The following PRDM7 variants were observed in gnomAD, a reference collection of about 807,000 sequenced individuals.
PRDM7 encodes histone-lysine N-methyltransferase PRDM7.
PRDM7 carries 52 observed loss-of-function variants against 64.3 expected under a neutral mutation model. The ratio of observed to expected loss-of-function variants is 0.81; its 90% confidence interval spans 0.65 to 1.02. The LOEUF is 1.02. Among genes scored for constraint, PRDM7 ranks in the 50% least tolerant of loss-of-function variants. PRDM7 has a pLI of 0.00. For missense variants in PRDM7, 574 were observed against 597.1 expected (o/e 0.96, Z 0.40); for synonymous variants, 192 against 210.1 (o/e 0.91, Z 0.74).
intron 4 of PRDM7, among the ~76,000 whole-genome samples, chr16:90,068,622 G>A (rs1349922481): frequency 4.8e-5 from 7 of 146,458 alleles, no homozygotes; most frequent in East Asian, 3.9e-4. Flanking sequence ...ATGACAGAGC[G>A]AGACTCCGTC....
rs1346756702 is a variant in PRDM7, at chr16:90,075,760, C to T, written c.69+82G>A. ...TCCATGCACATTCAGACAGAGTCAC[C>T]CAAGGGTACAGGCCAGGAGTCTGCA... On this transcript the variant is annotated intron_variant, in intron 2 of 10. Coordinates refer to ENST00000449207, the MANE Select transcript of PRDM7 (RefSeq NM_001098173.2). The surrounding 1 kb of genome is among the most constrained non-coding windows in gnomAD (Gnocchi z 4.3). 2 of 1,527,260 alleles carry T rather than the reference C, an allele frequency of 1.3e-6. No homozygotes were observed. Among genetic ancestry groups the T allele is most frequent in the East Asian group, 2.3e-5 (1 of 42,758 alleles). The allele number at this position is 1,527,260 out of a possible 1,614,324, so 94.6% of individuals were successfully genotyped here.
Position 90,063,731 on chromosome 16 carries a change from A to G in PRDM7, c.389T>C (p.Leu130Ser), listed in dbSNP as rs4264393. Reference protein sequence around the residue: ...PKASFNNESSLRELSGTPNLL... With the variant: ...PKASFNNESSSRELSGTPNLL... ...ATTTGGCGTTCCTGACAATTCTCTC[A>G]AACTAGATTCATTATTGAATGACGC... The change falls in exon 6 of 11, where the codon TTG (leucine) becomes TCG (serine). Residue 130 changes from leucine to serine, a missense_variant. Leu to Ser is a moderately radical substitution (Grantham distance 145, BLOSUM62 -2). Transcript: ENST00000449207. The G allele has an allele frequency of 0.011, 17,066 of 1,614,154 alleles. 1,587 individuals are homozygous for G. In the Admixed American group the frequency reaches 0.2, roughly 19 times the overall value.
At chr16:90,058,595 G>A (rs1597680207) in intron 10 of PRDM7, 61 bp from the exon 11 acceptor site, 1 of 1,545,574 alleles carries the variant, frequency 6.5e-7, no homozygotes, top group African/African-American at 1.4e-5. Context: ...ACATATGAAG[G>A]TATGAAGATC....
Position 90,075,854 on chromosome 16 carries a change from C to G in PRDM7, c.57G>C (p.Glu19Asp). 18 of 1,614,018 alleles carry G rather than the reference C, an allele frequency of 1.1e-5. No homozygotes were observed. Among genetic ancestry groups the G allele is most frequent in the Non-Finnish European group, 1.5e-5 (18 of 1,179,960 alleles). Residue 19 changes from glutamate to aspartate, a missense_variant, in exon 2 of 11, where the codon GAG (glutamate) becomes GAC (aspartate). By Grantham distance (45) the Glu-to-Asp change is conservative (BLOSUM62 2). Coordinates refer to ENST00000449207, the MANE Select transcript of PRDM7 (RefSeq NM_001098173.2). The surrounding 1 kb of genome is among the most constrained non-coding windows in gnomAD (Gnocchi z 4.3). ...ESPEGDTERTERKPMVKDAFK... is the reference protein window; with the variant it reads ...ESPEGDTERTDRKPMVKDAFK... ...CCCGACTTCTCACCATGGGCTTCCG[C>G]TCTGTTCTCTCTGTGTCTCCTTCTG...
chr16:90,068,634 C>CAA (rs778285091), intron 4 of PRDM7, among the ~76,000 whole-genome samples: 1 of 93,392 alleles, frequency 1.1e-5, no homozygotes, highest in Non-Finnish European at 2.1e-5. Context: ...GACTCCGTCT[C>CAA]AAAAAAAAAA....
intron 6 of PRDM7, among the ~76,000 whole-genome samples, chr16:90,063,210 C>G (rs1313469663): frequency 1.3e-5 from 2 of 152,162 alleles, no homozygotes; most frequent in Non-Finnish European, 2.9e-5. Context: ...TTTTGGGAGG[C>G]TGAGCTGAGC....
chr16:90,062,838 C>T (rs1010120888), intron 6 of PRDM7, among the ~76,000 whole-genome samples: 5 of 152,104 alleles, frequency 3.3e-5, no homozygotes, highest in African/African-American at 1.2e-4. Flanking sequence ...ACATACAACA[C>T]TAAGAAAGTA....
chr16:90,071,980 C>T (rs1167474833), intron 4 of PRDM7, among the ~76,000 whole-genome samples: 1 of 152,072 alleles, frequency 6.6e-6, no homozygotes, highest in Non-Finnish European at 1.5e-5. Context: ...ATCATGAGGT[C>T]AGGAGATCGA....
At chr16:90,066,970 T>C (rs1422958068) in intron 4 of PRDM7, 60 bp from the exon 5 acceptor site, 5 of 1,442,776 alleles carry the variant, frequency 3.5e-6, no homozygotes, top group Non-Finnish European at 4.8e-6. Flanking sequence ...TCTAGAGATT[T>C]TTTTTTCTTT....
In PRDM7 at chr16:90,058,081, A is replaced by C. The variant is rs2037710477; in HGVS notation, c.*208T>G. 1.2e-6 allele frequency: 2 copies of C among 1,613,720 alleles called. No individual in the cohort carries two copies. Among genetic ancestry groups the C allele is most frequent in the East Asian group, 4.5e-5 (2 of 44,868 alleles). ...TGTAATAACATCTGACTTATCACTG[A>C]AACCTTGCCCACACTCTCCATATTT... On this transcript the variant is annotated 3_prime_UTR_variant, in exon 11 of 11. Transcript: ENST00000449207.
rs1357662924 is a variant in PRDM7, at chr16:90,075,041, A to G, written c.194-18T>C. 4 of 1,613,928 alleles carry G rather than the reference A, an allele frequency of 2.5e-6. No individual in the cohort carries two copies. Among genetic ancestry groups the G allele is most frequent in the East Asian group, 4.5e-5 (2 of 44,868 alleles). ...TCTGAGACCTGAAAAGAAGCAAAAA[A>G]TTTTGCTCTGAAACGGAAGAGCTGG... On this transcript the variant is annotated intron_variant, in intron 3 of 10. Coordinates refer to ENST00000449207, the MANE Select transcript of PRDM7 (RefSeq NM_001098173.2). The surrounding 1 kb of genome is among the most constrained non-coding windows in gnomAD (Gnocchi z 4.3).
In PRDM7 at chr16:90,057,777, G is replaced by C; in HGVS notation, c.*512C>G. 1.5e-6 allele frequency: 2 copies of C among 1,334,586 alleles called. No individual in the cohort carries two copies. The highest frequency in any genetic ancestry group is 2.5e-5 in the South Asian group (2 of 80,256). 82.7% of individuals were successfully genotyped at this position (1,334,586 alleles called of 1,614,324 possible). A position where few individuals can be genotyped will look rare whatever the true frequency, so the allele number is the denominator to read the frequency against. On this transcript the variant is annotated 3_prime_UTR_variant, in exon 11 of 11. Coordinates refer to ENST00000449207, the MANE Select transcript of PRDM7 (RefSeq NM_001098173.2). ...GCCACCTCAGAGCTGGGGTGTGCAA[G>C]TGTGTGGTGATCACGTTTGTCTTCT... is the stretch of plus-strand genomic sequence containing the variant.
At chr16:90,064,189 G>T (rs1567876839) in intron 5 of PRDM7, among the ~76,000 whole-genome samples, 1 of 152,200 alleles carries the variant, frequency 6.6e-6, no homozygotes, top group South Asian at 2.1e-4. Context: ...GGGCAGTAAG[G>T]TTCGGAACAG....
At chr16:90,074,088 G>A (rs188284956) in intron 4 of PRDM7, among the ~76,000 whole-genome samples, 91 of 152,034 alleles carry the variant, frequency 6.0e-4, no homozygotes, top group African/African-American at 2.0e-3. Context: ...GCCTGGCCAG[G>A]AGGTCACTTC....
intron 9 of PRDM7, among the ~76,000 whole-genome samples, chr16:90,061,055 T>A (rs1463241617): frequency 1.3e-5 from 2 of 152,228 alleles, no homozygotes; most frequent in Non-Finnish European, 2.9e-5. Flanking sequence ...CATTTTTCTA[T>A]TCTCTGATAG....
rs1361123966 is a variant in PRDM7 at position 90,075,127 on chromosome 16, A to C, written c.194-104T>G. ...CACAAAGCCAGTGCTGCTCAGTCTGATGAGCTGGGAGAGTCTTGAACAAGG... is the reference window on the plus strand; with the variant it reads ...CACAAAGCCAGTGCTGCTCAGTCTGCTGAGCTGGGAGAGTCTTGAACAAGG... On this transcript the variant is annotated intron_variant, in intron 3 of 10. Transcript: ENST00000449207. This position sits in a 1 kb window ranked among gnomAD's most constrained non-coding sequence, Gnocchi z 4.3. The C allele has an allele frequency of 7.3e-7, 1 of 1,366,194 alleles. No individual in the cohort carries two copies. Among genetic ancestry groups the C allele is most frequent in the Non-Finnish European group, 1.0e-6 (1 of 967,922 alleles). The allele number at this position is 1,366,194 out of a possible 1,614,324, so 84.6% of individuals were successfully genotyped here.
rs184797230 is a variant in PRDM7 at position 90,068,255 on chromosome 16, G to A, written c.302-1345C>T. 5.9e-4 allele frequency among the ~76,000 whole-genome samples: 88 copies of A among 150,236 alleles called. 1 individual carries two copies. The highest frequency in any genetic ancestry group is 3.4e-3 in the Middle Eastern group (1 of 294). ...GATCATGCTACTGCACTCCAGCTTG[G>A]GCGACAGAGCGAGACTCCATCTAAA... On this transcript the variant is annotated intron_variant, in intron 4 of 10. Coordinates refer to ENST00000449207, the MANE Select transcript of PRDM7 (RefSeq NM_001098173.2).
intron 5 of PRDM7, among the ~76,000 whole-genome samples, chr16:90,064,678 T>C (rs982456057): frequency 1.4e-5 from 2 of 144,196 alleles, no homozygotes; most frequent in African/African-American, 5.6e-5. Context: ...CCTCCCAAAG[T>C]GCTGGGATTA....
At position 90,057,936 on chromosome 16, in the gene PRDM7, A is replaced by G; in HGVS notation, c.*353T>C. On this transcript the variant is annotated 3_prime_UTR_variant, in exon 11 of 11. Transcript: ENST00000449207. The stretch of plus-strand genomic sequence containing the variant: ...CTAAAGCCCCGCTCACACTCTCTGC[A>G]GACATAAGGCTTCTCCCCTGTGTGT... 1.3e-6 allele frequency: 2 copies of G among 1,588,330 alleles called. No homozygotes were observed. The highest frequency in any genetic ancestry group is 3.4e-5 in the Admixed American group (2 of 58,948).
Sources: allele counts gnomAD v4.1 joint callset (sites outside exome capture counted in the v4.1 genomes callset), GRCh38; gene constraint gnomAD v4.1.1; non-coding constraint Gnocchi (gnomAD v3.1); transcripts MANE v1.5; gene names NCBI Gene and HGNC (gene_info 2026-07-23, HGNC 2026-07-21).